The following SNTG1 variants were observed in gnomAD, a reference collection of about 807,000 sequenced individuals.
SNTG1 encodes the protein syntrophin gamma 1.
A neutral mutation model predicts 74.7 loss-of-function variants in SNTG1; 39 were observed. That is an observed-to-expected ratio of 0.52 (90% CI 0.40 to 0.68). SNTG1 has a LOEUF of 0.68. Among genes scored for constraint, SNTG1 ranks in the 30% least tolerant of loss-of-function variants. The pLI, the probability that SNTG1 is intolerant of heterozygous loss-of-function variation, is 0.00. For missense variants in SNTG1, 685 were observed against 609.5 expected (o/e 1.12, Z -1.30); for synonymous variants, 254 against 217.1 (o/e 1.17, Z -1.49).
At chr8:50,623,720 T>C (rs758034768) in intron 13 of SNTG1, among the ~76,000 whole-genome samples, 2 of 152,090 alleles carry the variant, frequency 1.3e-5, no homozygotes, top group Non-Finnish European at 2.9e-5. Flanking sequence ...TTAAAATCAA[T>C]GTTTTTATTA....
chr8:50,041,449 A>G (rs1252026479), intron 1 of SNTG1, among the ~76,000 whole-genome samples: 2 of 152,188 alleles, frequency 1.3e-5, no homozygotes, highest in East Asian at 3.9e-4. Flanking sequence ...TGACAGTGTA[A>G]ATCACTGTGA....
chr8:50,762,771 T>C (rs774048820), intron 18 of SNTG1: 1 of 471,644 alleles, frequency 2.1e-6, no homozygotes, highest in Non-Finnish European at 4.3e-6. Flanking sequence ...TGAACAAAGA[T>C]CTTCTTGCCT....
At chr8:50,533,553 C>A (rs953633948) in intron 10 of SNTG1, among the ~76,000 whole-genome samples, 1 of 151,610 alleles carries the variant, frequency 6.6e-6, no homozygotes, top group Non-Finnish European at 1.5e-5. Flanking sequence ...ATCTTTTATG[C>A]AAAAATAAAT....
intron 17 of SNTG1, among the ~76,000 whole-genome samples, chr8:50,748,296 G>A (rs2095559660): frequency 6.6e-6 from 1 of 151,998 alleles, no homozygotes; most frequent in African/African-American, 2.4e-5. Flanking sequence ...CTCAGTGTCA[G>A]TGTGAGATAA....
At chr8:50,268,301 A>C (rs1171842121) in intron 2 of SNTG1, among the ~76,000 whole-genome samples, 1 of 152,230 alleles carries the variant, frequency 6.6e-6, no homozygotes, top group Non-Finnish European at 1.5e-5. Context: ...ATGGATCCAG[A>C]AGTAATGGAA....
intron 17 of SNTG1, among the ~76,000 whole-genome samples, chr8:50,734,271 C>T (rs2095519949): frequency 6.6e-6 from 1 of 151,680 alleles, no homozygotes. Flanking sequence ...GCTTCTCGGC[C>T]TTTTGGCTAA....
chr8:50,743,164 T>C (rs1051698565), intron 17 of SNTG1, among the ~76,000 whole-genome samples: 9 of 151,160 alleles, frequency 6.0e-5, no homozygotes, highest in Non-Finnish European at 1.0e-4. Context: ...AGGCCAACAT[T>C]ACCTTGACAC....
At chr8:50,647,514 G>A (rs953302354) in intron 13 of SNTG1, among the ~76,000 whole-genome samples, 2 of 151,764 alleles carry the variant, frequency 1.3e-5, no homozygotes, top group South Asian at 4.1e-4. Context: ...ATTCTGTTGG[G>A]GTATTTTGCT....
Position 50,590,905 on chromosome 8 carries a change from T to G in SNTG1, c.837T>G (p.Pro279=), listed in dbSNP as rs1372247451. The stretch of plus-strand genomic sequence containing the variant: ...TTAAAAAAATCAACAGAAACTTTCC[T>G]GTAAACCAGCAGGTAAGATCAAAGC... ...HNIKKINRNF[P]VNQQIVYMGW... The change falls in exon 13 of 19, where the codon CCT becomes CCG. Residue 279 remains proline (P), a synonymous_variant. Transcript: ENST00000642720. 1 of 1,571,590 alleles carries G rather than the reference T, an allele frequency of 6.4e-7. No homozygotes were observed. The highest frequency in any genetic ancestry group is 1.4e-5 in the African/African-American group (1 of 73,194).
intron 2 of SNTG1, among the ~76,000 whole-genome samples, chr8:50,230,762 G>A (rs2085577466): frequency 1.3e-5 from 2 of 150,644 alleles, no homozygotes; most frequent in South Asian, 2.1e-4. Context: ...AAGTATTAGA[G>A]ACTCAAACAT....
intron 1 of SNTG1, among the ~76,000 whole-genome samples, chr8:50,001,015 A>G (rs1162554665): frequency 6.6e-6 from 1 of 152,206 alleles, no homozygotes; most frequent in Non-Finnish European, 1.5e-5. Flanking sequence ...ACAATAGTTG[A>G]CATGGTAAGG....
chr8:50,717,099 T>G (rs1196387251), intron 17 of SNTG1, among the ~76,000 whole-genome samples: 1 of 152,194 alleles, frequency 6.6e-6, no homozygotes, highest in Admixed American at 6.5e-5. Context: ...CATAATTCAC[T>G]GCTATGTTTA....
intron 1 of SNTG1, among the ~76,000 whole-genome samples, chr8:49,986,758 G>A (rs1813197691): frequency 6.7e-6 from 1 of 150,338 alleles, no homozygotes; most frequent in African/African-American, 2.4e-5. Flanking sequence ...GTGCATGCCT[G>A]TAGTCCCAGC....
chr8:50,116,666 C>T lies in SNTG1; in HGVS notation c.-102-55895C>T, dbSNP rs190214691. On this transcript the variant is annotated intron_variant, in intron 1 of 18. Coordinates refer to ENST00000642720, the MANE Select transcript of SNTG1 (RefSeq NM_018967.5). ...AAGTTTTATAATTTTAAAACCTGGC[C>T]TATTTCTTTCTCTTGTTAGTCAGGT... is the stretch of plus-strand genomic sequence containing the variant. Among the ~76,000 whole-genome samples the T allele has an allele frequency of 4.6e-5, 7 of 152,302 alleles. No individual in the cohort carries two copies. In the East Asian group the frequency reaches 1.2e-3, roughly 25 times the overall value.
At chr8:50,003,898 A>C (rs1368402823) in intron 1 of SNTG1, among the ~76,000 whole-genome samples, 1 of 152,170 alleles carries the variant, frequency 6.6e-6, no homozygotes, top group Non-Finnish European at 1.5e-5. Flanking sequence ...GCCCAAAACA[A>C]TCTGGGGGAA....
intron 13 of SNTG1, among the ~76,000 whole-genome samples, chr8:50,614,452 G>A (rs1279387331): frequency 6.6e-6 from 1 of 151,928 alleles, no homozygotes; most frequent in Non-Finnish European, 1.5e-5. Flanking sequence ...TTTCTGGGTT[G>A]CTAATTTTAC....
intron 1 of SNTG1, among the ~76,000 whole-genome samples, chr8:50,035,992 A>T (rs572517278): frequency 6.6e-6 from 1 of 152,182 alleles, no homozygotes; most frequent in Non-Finnish European, 1.5e-5. Context: ...AATATAGGCC[A>T]TAAGGAATCA....
intron 1 of SNTG1, among the ~76,000 whole-genome samples, chr8:50,030,483 C>T (rs1363955590): frequency 6.6e-6 from 1 of 151,990 alleles, no homozygotes; most frequent in Non-Finnish European, 1.5e-5. Flanking sequence ...GAAAATTTTA[C>T]ATTTTAATTT....
At chr8:50,111,630 G>T (rs1306845569) in intron 1 of SNTG1, among the ~76,000 whole-genome samples, 4 of 152,110 alleles carry the variant, frequency 2.6e-5, no homozygotes, top group African/African-American at 7.2e-5. Flanking sequence ...CGCAAGAAGA[G>T]CAATATACCC....
Sources: gnomAD v4.1 joint callset for allele counts (sites outside exome capture counted in the v4.1 genomes callset) on GRCh38, gnomAD v4.1.1 for gene constraint, MANE v1.5 for transcripts, NCBI Gene and HGNC (gene_info 2026-07-23, HGNC 2026-07-21) for gene names.